CTNNA2: variants seen among roughly 807,000 people sequenced by gnomAD.
CTNNA2 encodes the protein catenin alpha-2.
CTNNA2 carries 42 observed loss-of-function variants against 101.0 expected under a neutral mutation model. That is an observed-to-expected ratio of 0.42 (90% CI 0.32 to 0.54). The LOEUF is 0.54. Among genes scored for constraint, CTNNA2 ranks in the 20% least tolerant of loss-of-function variants. The pLI is 0.14. For synonymous variants in CTNNA2, 450 were observed against 456.4 expected (o/e 0.99, Z 0.18); for missense variants, 871 against 1,223.1 (o/e 0.71, Z 4.29).
intron 7 of CTNNA2, among the ~76,000 whole-genome samples, chr2:80,357,971 G>C (rs1382727871): frequency 6.6e-6 from 1 of 152,118 alleles, no homozygotes; most frequent in Non-Finnish European, 1.5e-5. Context: ...CTCAAAGCTA[G>C]ATATAAGTGG....
chr2:79,694,680 G>A (rs1013726410), intron 2 of CTNNA2, among the ~76,000 whole-genome samples: 1 of 151,746 alleles, frequency 6.6e-6, no homozygotes, highest in Admixed American at 6.6e-5. Flanking sequence ...TGTTAGTGAG[G>A]ACTTTTTGGA....
chr2:80,625,889 CTTAAT>C (rs1176061937), intron 18 of CTNNA2, among the ~76,000 whole-genome samples: 1 of 151,876 alleles, frequency 6.6e-6, no homozygotes, highest in East Asian at 1.9e-4. Context: ...TTCTAGTTAA[CTTAAT>C]TTCTTTATAA....
At chr2:79,702,445 C>G (rs530623272) in intron 2 of CTNNA2, among the ~76,000 whole-genome samples, 83 of 152,230 alleles carry the variant, frequency 5.5e-4, no homozygotes, top group African/African-American at 1.9e-3. Context: ...GATTTGCTGT[C>G]TGGCCTTTTA....
chr2:79,969,226 A>G (rs1224310673), intron 7 of CTNNA2, among the ~76,000 whole-genome samples: 1 of 152,240 alleles, frequency 6.6e-6, no homozygotes, highest in East Asian at 1.9e-4. Context: ...AATGTGAACA[A>G]GAAGAGCACA....
intron 9 of CTNNA2, among the ~76,000 whole-genome samples, chr2:80,465,505 G>C: frequency 6.6e-6 from 1 of 152,074 alleles, no homozygotes; most frequent in South Asian, 2.1e-4. Context: ...GTATTTCTTT[G>C]AGTATCTTGG....
At chr2:80,243,017 G>A (rs148593327) in intron 7 of CTNNA2, among the ~76,000 whole-genome samples, 13 of 152,324 alleles carry the variant, frequency 8.5e-5, no homozygotes, top group Middle Eastern at 3.4e-3. Context: ...ATCAGAACTA[G>A]GTCAAGAGCT....
chr2:80,301,170 A>T (rs1676271774), intron 7 of CTNNA2, among the ~76,000 whole-genome samples: 1 of 152,120 alleles, frequency 6.6e-6, no homozygotes, highest in East Asian at 1.9e-4. Flanking sequence ...ATCCTAAGGT[A>T]GGTTTTTCTC....
At chr2:79,779,544 T>A (rs966479380) in intron 3 of CTNNA2, among the ~76,000 whole-genome samples, 8 of 152,186 alleles carry the variant, frequency 5.3e-5, no homozygotes, top group African/African-American at 1.7e-4. Flanking sequence ...GCTTTTTACT[T>A]TTTTACTTTT....
At chr2:79,585,013 T>G (rs1676391515) in intron 1 of CTNNA2, among the ~76,000 whole-genome samples, 1 of 152,214 alleles carries the variant, frequency 6.6e-6, no homozygotes, top group African/African-American at 2.4e-5. Context: ...TTTCCTATCT[T>G]TTTGAGTCTT....
intron 7 of CTNNA2, among the ~76,000 whole-genome samples, chr2:79,997,360 A>G (rs1347894645): frequency 1.3e-5 from 2 of 151,966 alleles, no homozygotes; most frequent in Admixed American, 1.3e-4. Context: ...AGGAAGGAAA[A>G]GAAAAAAGAA....
intron 1 of CTNNA2, among the ~76,000 whole-genome samples, chr2:79,562,805 T>C (rs111730418): frequency 9.9e-5 from 15 of 152,078 alleles, no homozygotes; most frequent in African/African-American, 3.6e-4. Flanking sequence ...TTTATTAATT[T>C]GAAAGAATAC....
chr2:80,146,556 C>A (rs1198271410), intron 7 of CTNNA2, among the ~76,000 whole-genome samples: 3 of 151,882 alleles, frequency 2.0e-5, no homozygotes, highest in African/African-American at 7.3e-5. Context: ...AGACCATTCC[C>A]CAAAACTTAC....
intron 2 of CTNNA2, among the ~76,000 whole-genome samples, chr2:79,247,638 T>TAATATGACTAACCAA (rs1674715967): frequency 6.6e-6 from 1 of 152,208 alleles, no homozygotes; most frequent in African/African-American, 2.4e-5. Context: ...ATAATGTCAG[T>TAATATGACTAACCAA]TATTATCAAT....
At chr2:79,381,335 G>A (rs1158268947) in intron 4 of CTNNA2, among the ~76,000 whole-genome samples, 1 of 152,072 alleles carries the variant, frequency 6.6e-6, no homozygotes, top group East Asian at 1.9e-4. Context: ...CTAGGTTTCA[G>A]GACAATCCTC....
At chr2:79,994,302 A>G (rs1692390571) in intron 7 of CTNNA2, among the ~76,000 whole-genome samples, 2 of 152,228 alleles carry the variant, frequency 1.3e-5, no homozygotes, top group East Asian at 1.9e-4. Context: ...GGAACATTCA[A>G]TAAATGGCCT....
At chr2:79,839,834 A>G (rs1011068277) in intron 3 of CTNNA2, among the ~76,000 whole-genome samples, 4 of 152,002 alleles carry the variant, frequency 2.6e-5, no homozygotes, top group African/African-American at 9.7e-5. Context: ...AATATTTTCT[A>G]TCCTATACTT....
chr2:80,466,098 A>G (rs1183671414), intron 9 of CTNNA2, among the ~76,000 whole-genome samples: 3 of 152,142 alleles, frequency 2.0e-5, no homozygotes, highest in Non-Finnish European at 2.9e-5. Context: ...AACTTGTTAT[A>G]TGTTCTTCCT....
At chr2:80,295,458 A>T (rs560006520) in intron 7 of CTNNA2, among the ~76,000 whole-genome samples, 1 of 152,234 alleles carries the variant, frequency 6.6e-6, no homozygotes, top group African/African-American at 2.4e-5. Flanking sequence ...ATTTTTTTTT[A>T]ACCTATATCT....
rs114445127 is a variant in CTNNA2, at chr2:80,344,766, G to A, written c.1057-48445G>A. Among the ~76,000 whole-genome samples the A allele has an allele frequency of 1.8e-3, 279 of 152,300 alleles. 5 individuals carry two copies. In the South Asian group the frequency reaches 0.023, roughly 13 times the overall value. On this transcript the variant is annotated intron_variant, in intron 7 of 18. Transcript: ENST00000402739. ...TTCCCAAAGTGCTGAGATTACAGGT[G>A]TGAGCCACAACACATGGCCTCCGAA...
Sources: gnomAD v4.1 joint callset for allele counts (sites outside exome capture counted in the v4.1 genomes callset) on GRCh38, gnomAD v4.1.1 for gene constraint, MANE v1.5 for transcripts, NCBI Gene and HGNC (gene_info 2026-07-23, HGNC 2026-07-21) for gene names.